Variants in GPC6 observed in about 807,000 individuals in gnomAD.
The protein encoded by GPC6 is glypican-6.
A neutral mutation model predicts 55.2 loss-of-function variants in GPC6; 14 were observed. The ratio of observed to expected loss-of-function variants is 0.25; its 90% confidence interval spans 0.17 to 0.40. GPC6 has a LOEUF of 0.40. GPC6 is among the 10% of genes least tolerant of loss of function. The pLI, the probability that GPC6 is intolerant of heterozygous loss-of-function variation, is 1.00. For synonymous variants in GPC6, 278 were observed against 259.6 expected (o/e 1.07, Z -0.68); for missense variants, 641 against 708.5 (o/e 0.90, Z 1.08).
At chr13:93,926,398 A>G (rs972526785) in intron 3 of GPC6, among the ~76,000 whole-genome samples, 1 of 152,236 alleles carries the variant, frequency 6.6e-6, no homozygotes, top group Admixed American at 6.5e-5. Context: ...AGTTTTGTAT[A>G]TGGATTAAAG....
At chr13:93,485,574 G>A (rs569427262) in intron 1 of GPC6, among the ~76,000 whole-genome samples, 15 of 152,204 alleles carry the variant, frequency 9.9e-5, no homozygotes, top group Admixed American at 1.3e-4. Context: ...TCTTGATTTC[G>A]TAGATAATTT....
At chr13:93,341,695 C>CTTT (rs34604793) in intron 1 of GPC6, among the ~76,000 whole-genome samples, 2 of 142,564 alleles carry the variant, frequency 1.4e-5, no homozygotes, top group Non-Finnish European at 3.1e-5. Flanking sequence ...TACTCCGCTG[C>CTTT]TTTTTTTTTT....
At chr13:94,173,757 C>G (rs1343942442) in intron 4 of GPC6, among the ~76,000 whole-genome samples, 2 of 152,100 alleles carry the variant, frequency 1.3e-5, no homozygotes, top group African/African-American at 4.8e-5. Context: ...TTTTGATTCC[C>G]CATCTGAATA....
At chr13:93,375,000 C>T (rs1874826224) in intron 1 of GPC6, among the ~76,000 whole-genome samples, 2 of 152,138 alleles carry the variant, frequency 1.3e-5, no homozygotes, top group African/African-American at 2.4e-5. Context: ...CAATTAGCAA[C>T]TATAGTCATT....
chr13:93,351,486 A>G lies in GPC6; in HGVS notation c.160+123870A>G, dbSNP rs550630562. Among the ~76,000 whole-genome samples the G allele has an allele frequency of 3.3e-5, 5 of 152,230 alleles. No homozygotes were observed. In the East Asian group the frequency reaches 5.8e-4, roughly 18 times the overall value. On this transcript the variant is annotated intron_variant, in intron 1 of 8. Coordinates refer to ENST00000377047, the MANE Select transcript of GPC6 (RefSeq NM_005708.5). The stretch of plus-strand genomic sequence containing the variant: ...GAGTTGTTAAAGGATACAAAATTAC[A>G]GCTAGGTAGGAGGAATACGTTCTAG...
At chr13:93,489,613 T>C (rs980526011) in intron 1 of GPC6, among the ~76,000 whole-genome samples, 12 of 151,612 alleles carry the variant, frequency 7.9e-5, no homozygotes. Flanking sequence ...GCATGGAATG[T>C]TCTTCCATTT....
At chr13:93,339,618 G>T (rs1311770023) in intron 1 of GPC6, among the ~76,000 whole-genome samples, 1 of 152,140 alleles carries the variant, frequency 6.6e-6, no homozygotes, top group Non-Finnish European at 1.5e-5. Flanking sequence ...GGGGTGGAAT[G>T]AATTTTAGTG....
intron 2 of GPC6, among the ~76,000 whole-genome samples, chr13:93,576,795 A>G (rs986480736): frequency 1.3e-5 from 2 of 152,170 alleles, no homozygotes; most frequent in Non-Finnish European, 2.9e-5. Flanking sequence ...CCATCAAGAA[A>G]GAATGTGTAA....
intron 2 of GPC6, among the ~76,000 whole-genome samples, chr13:93,604,744 T>C (rs1246877577): frequency 1.3e-5 from 2 of 152,160 alleles, no homozygotes; most frequent in African/African-American, 4.8e-5. Context: ...AAACAACCGT[T>C]TGGGAATCCA....
At chr13:94,073,758 C>T (rs1884814433) in intron 4 of GPC6, among the ~76,000 whole-genome samples, 1 of 152,092 alleles carries the variant, frequency 6.6e-6, no homozygotes, top group Non-Finnish European at 1.5e-5. Context: ...TTTAAATAAT[C>T]TTGAATTTTA....
intron 2 of GPC6, among the ~76,000 whole-genome samples, chr13:93,731,617 CAT>C (rs1358187307): frequency 1.3e-5 from 2 of 151,988 alleles, no homozygotes; most frequent in Admixed American, 6.6e-5. Context: ...CTTTTTCAGT[CAT>C]GTGTATGTGC....
chr13:93,271,900 C>T (rs987934971), intron 1 of GPC6, among the ~76,000 whole-genome samples: 1 of 152,122 alleles, frequency 6.6e-6, no homozygotes, highest in African/African-American at 2.4e-5. Flanking sequence ...CCAAGACTTG[C>T]TGACTACCAT....
At chr13:93,983,121 G>A (rs2050645) in intron 3 of GPC6, among the ~76,000 whole-genome samples, 70,928 of 151,954 alleles carry the variant, frequency 0.47, 17,228 homozygotes, top group Non-Finnish European at 0.53. Flanking sequence ...CAATGATTAC[G>A]CATTAGCTGA....
chr13:93,618,081 C>T lies in GPC6; in HGVS notation c.319+72660C>T, dbSNP rs149758592. 1.3e-3 allele frequency among the ~76,000 whole-genome samples: 193 copies of T among 152,018 alleles called. 1 individual carries two copies. Among genetic ancestry groups the T allele is most frequent in the African/African-American group, 4.2e-3 (176 of 41,516 alleles). On this transcript the variant is annotated intron_variant, in intron 2 of 8. Coordinates refer to ENST00000377047, the MANE Select transcript of GPC6 (RefSeq NM_005708.5). The stretch of plus-strand genomic sequence containing the variant: ...GGACTGTACAAAATGTAAAAGCAAA[C>T]ATTTACCTTTCCTCCATGTATTAGA...
chr13:93,478,304 G>C (rs1412958378), intron 1 of GPC6, among the ~76,000 whole-genome samples: 2 of 152,042 alleles, frequency 1.3e-5, no homozygotes, highest in East Asian at 3.8e-4. Context: ...GCCAAATAAT[G>C]CCTAAATGTG....
At chr13:93,884,058 T>C (rs1467429153) in intron 3 of GPC6, among the ~76,000 whole-genome samples, 4 of 152,138 alleles carry the variant, frequency 2.6e-5, no homozygotes, top group East Asian at 1.9e-4. Context: ...ATTCGACATA[T>C]GGCACATACT....
intron 2 of GPC6, among the ~76,000 whole-genome samples, chr13:93,620,540 A>G (rs941874569): frequency 2.0e-5 from 3 of 152,200 alleles, no homozygotes; most frequent in East Asian, 1.9e-4. Flanking sequence ...CTTTTTAAAT[A>G]AAGTGTGCAA....
At chr13:93,833,158 A>T (rs1046614433) in intron 3 of GPC6, among the ~76,000 whole-genome samples, 30 of 98,096 alleles carry the variant, frequency 3.1e-4, no homozygotes, top group African/African-American at 1.2e-3. Context: ...AGAGAGAGAG[A>T]TGGTATATAT....
chr13:93,925,297 G>T (rs1877799318), intron 3 of GPC6, among the ~76,000 whole-genome samples: 1 of 152,194 alleles, frequency 6.6e-6, no homozygotes, highest in South Asian at 2.1e-4. Flanking sequence ...TAATCCTAGT[G>T]TAGAGAAATG....
Sources: allele counts gnomAD v4.1 joint callset (sites outside exome capture counted in the v4.1 genomes callset), GRCh38; gene constraint gnomAD v4.1.1; transcripts MANE v1.5; gene names NCBI Gene and HGNC (gene_info 2026-07-23, HGNC 2026-07-21).